SPEN: variants seen among roughly 807,000 people sequenced by gnomAD.
SPEN encodes the protein spen family transcriptional repressor.
SPEN carries 18 observed loss-of-function variants against 269.9 expected under a neutral mutation model. The observed-to-expected ratio is 0.07, with a 90% CI of 0.05 to 0.10. The LOEUF is 0.10. Among genes scored for constraint, SPEN ranks in the 10% least tolerant of loss-of-function variants. SPEN has a pLI of 1.00. For missense variants in SPEN, 3,822 were observed against 4,631.2 expected, an observed-to-expected ratio of 0.83 and a Z score of 5.07; for synonymous variants, 1,726 against 1,765.7, an observed-to-expected ratio of 0.98 and a Z score of 0.56.
chr1:15,918,845 A>AT (rs1427072668), intron 6 of SPEN, 81 bp from the exon 7 acceptor site: 1 of 1,208,834 alleles, frequency 8.3e-7, no homozygotes, highest in Non-Finnish European at 1.2e-6. Context: ...TTTTTGAGAA[A>AT]TAAATACCCT....
At chr1:15,880,084 T>C (rs1048512717) in intron 3 of SPEN, among the ~76,000 whole-genome samples, 1 of 152,194 alleles carries the variant, frequency 6.6e-6, no homozygotes, top group Non-Finnish European at 1.5e-5. Flanking sequence ...TATGTTTTTT[T>C]CCCTCTGATT....
chr1:15,849,092 C>T (rs2070306923), intron 1 of SPEN, among the ~76,000 whole-genome samples: 1 of 152,062 alleles, frequency 6.6e-6, no homozygotes, highest in African/African-American at 2.4e-5. Context: ...TGTGAAATGC[C>T]TGTGTACCGT....
chr1:15,908,348 G>A (rs891354734), intron 3 of SPEN, among the ~76,000 whole-genome samples: 2 of 152,064 alleles, frequency 1.3e-5, no homozygotes, highest in African/African-American at 4.8e-5. Flanking sequence ...ATAGGTGTGA[G>A]CCACCACACC....
chr1:15,893,924 A>G (rs1386226070), intron 3 of SPEN, among the ~76,000 whole-genome samples: 1 of 152,114 alleles, frequency 6.6e-6, no homozygotes, highest in Non-Finnish European at 1.5e-5. Context: ...CTGTAATCCT[A>G]GCTACTTGTG....
chr1:15,933,083 T>C lies in SPEN; in HGVS notation c.6843T>C (p.Ser2281=), dbSNP rs1214814463. 6.2e-7 allele frequency: 1 copy of C among 1,613,976 alleles called. No homozygotes were observed. The highest frequency in any genetic ancestry group is 1.7e-5 in the Admixed American group (1 of 60,002). Residue 2281 remains serine (S), a synonymous_variant, in exon 11 of 15, where the codon TCT becomes TCC. Coordinates refer to ENST00000375759, the MANE Select transcript of SPEN (RefSeq NM_015001.3). This position sits in a 1 kb window ranked among gnomAD's most constrained non-coding sequence, Gnocchi z 5.7. ...TGGAAACTGAGGCTGCTACAGAATC[T>C]TCTAGGCCTCCAGTCAATGCTCCTG... is the stretch of plus-strand genomic sequence containing the variant. ...GILETEAATE[S]SRPPVNAPDP... is the part of the protein sequence containing the mutation.
At position 15,932,925 on chromosome 1, in the gene SPEN, G is replaced by A. The variant is rs1418395336; in HGVS notation, c.6685G>A (p.Glu2229Lys). 1.2e-6 allele frequency: 2 copies of A among 1,614,110 alleles called. No homozygotes were observed. The highest frequency in any genetic ancestry group is 2.7e-5 in the African/African-American group (2 of 74,938). ...CTCCATCATCAATGACATTTCTGGG[G>A]AGCCAGAAAACTTCCCAGCACCTCC... ...IGSIINDISG[E>K]PENFPAPPPY... The change falls in exon 11 of 15, where the codon GAG (glutamate) becomes AAG (lysine). Residue 2229 changes from glutamate (E) to lysine (K), a missense_variant. By Grantham distance (56) the Glu-to-Lys change is moderately conservative. Around this residue, in one of 16 missense-constraint regions of SPEN, gnomAD observed 727 missense variants for 737.9 expected, o/e 0.99. Coordinates refer to ENST00000375759, the MANE Select transcript of SPEN (RefSeq NM_015001.3). This position sits in a 1 kb window ranked among gnomAD's most constrained non-coding sequence, Gnocchi z 4.2.
Position 15,932,210 on chromosome 1 carries a change from A to G in SPEN, c.5970A>G (p.Ala1990=). Residue 1990 remains alanine (A), a synonymous_variant, in exon 11 of 15, where the codon GCA becomes GCG. Transcript: ENST00000375759. This position sits in a 1 kb window ranked among gnomAD's most constrained non-coding sequence, Gnocchi z 4.2. ...GGTCGCCAAGGTCCCAGAAAACTGC[A>G]GCTGGTGGTGGACCCCAAGGGAAAA... ...GWRSPRSQKT[A]AGGGPQGKKG... 6.2e-7 allele frequency: 1 copy of G among 1,612,944 alleles called. No homozygotes were observed. Among genetic ancestry groups the G allele is most frequent in the Non-Finnish European group, 8.5e-7 (1 of 1,179,672 alleles).
At chr1:15,892,853 C>G (rs756715022) in intron 3 of SPEN, among the ~76,000 whole-genome samples, 6 of 152,104 alleles carry the variant, frequency 3.9e-5, no homozygotes, top group Non-Finnish European at 8.8e-5. Context: ...AATCCCAGCA[C>G]TTTAGGAGGC....
At chr1:15,873,863 A>C in intron 2 of SPEN, 1 of 1,081,152 alleles carries the variant, frequency 9.2e-7, no homozygotes, top group South Asian at 2.8e-5. Context: ...TCTTGCTGTC[A>C]AGATTCCACT....
rs375124168 is a variant in SPEN, at chr1:15,931,993, C to T, written c.5753C>T (p.Ser1918Phe). ...YATMGDHENR[S>F]PVKEPVEQPR... ...ACCATGGGTGACCATGAAAACCGCT[C>T]TCCTGTCAAAGAGCCCGTTGAGCAA... is the stretch of plus-strand genomic sequence containing the variant. The change falls in exon 11 of 15, where the codon TCT becomes TTT. Residue 1918 changes from serine to phenylalanine, a missense_variant. By Grantham distance (155) the Ser-to-Phe change is radical. This residue lies in a region of SPEN where 533 missense variants were observed against 618.8 expected (regional missense o/e 0.86). Transcript: ENST00000375759. This position sits in a 1 kb window ranked among gnomAD's most constrained non-coding sequence, Gnocchi z 4.8. 9 of 1,614,102 alleles carry T rather than the reference C, an allele frequency of 5.6e-6. No individual in the cohort carries two copies. The highest frequency in any genetic ancestry group is 1.6e-4 in the Middle Eastern group (1 of 6,084).
Position 15,920,795 on chromosome 1 carries a change from T to C in SPEN, c.1636-75T>C, listed in dbSNP as rs1002000113. 9 of 686,470 alleles carry C rather than the reference T, an allele frequency of 1.3e-5. No homozygotes were observed. The African/African-American group carries it at 1.7e-4, about 13-fold the overall frequency. 42.5% of individuals were successfully genotyped at this position (686,470 alleles called of 1,614,324 possible). A position where few individuals can be genotyped will look rare whatever the true frequency, so the allele number is the denominator to read the frequency against. On this transcript the variant is annotated intron_variant, in intron 8 of 14. Transcript: ENST00000375759. ...TTTTTCTCATCCGTGTCCTTGTGGC[T>C]TAGGATTTTGTTGGGACTGACACTA...
intron 3 of SPEN, among the ~76,000 whole-genome samples, chr1:15,889,332 ATTTTAGTAT>A (rs988240587): frequency 6.6e-6 from 1 of 151,722 alleles, no homozygotes; most frequent in African/African-American, 2.4e-5. Context: ...CGCCCAACTA[ATTTTAGTAT>A]TTTTAGTAGA....
chr1:15,916,287 G>A lies in SPEN; in HGVS notation c.1395+8G>A. 1 of 1,607,890 alleles carries A rather than the reference G, an allele frequency of 6.2e-7. No homozygotes were observed. The highest frequency in any genetic ancestry group is 1.1e-5 in the South Asian group (1 of 89,672). The stretch of plus-strand genomic sequence containing the variant: ...CGCTTTGGAGAAATTGTGGTATGTT[G>A]CTTTTACTATGTAAACAATTTTAGG... On this transcript the variant is annotated splice_region_variant and intron_variant, in intron 6 of 14. Coordinates refer to ENST00000375759, the MANE Select transcript of SPEN (RefSeq NM_015001.3).
chr1:15,847,759 C>G lies in SPEN; in HGVS notation c.-309C>G, dbSNP rs981014029. 1 of 198,476 alleles carries G rather than the reference C, an allele frequency of 5.0e-6. No individual in the cohort carries two copies. Among genetic ancestry groups the G allele is most frequent in the Non-Finnish European group, 1.0e-5 (1 of 97,014 alleles). 12.3% of individuals were successfully genotyped at this position (198,476 alleles called of 1,614,324 possible). ...CCAGCTCCGTCGTAGTCGCTGCCGCCCGTGTCCCGCTCGCCCCTCCTCCCG... is the reference window on the plus strand; with the variant it reads ...CCAGCTCCGTCGTAGTCGCTGCCGCGCGTGTCCCGCTCGCCCCTCCTCCCG... On this transcript the variant is annotated 5_prime_UTR_variant, in exon 1 of 15. Transcript: ENST00000375759.
rs767026114 is a variant in SPEN at position 15,930,973 on chromosome 1, A to T, written c.4733A>T (p.Glu1578Val). The T allele has an allele frequency of 1.2e-6, 2 of 1,614,060 alleles. No individual in the cohort carries two copies. Among genetic ancestry groups the T allele is most frequent in the Non-Finnish European group, 1.7e-6 (2 of 1,180,048 alleles). ...GANSTTDSIQ[E>V]PVVLFHSRFM... The stretch of plus-strand genomic sequence containing the variant: ...AACAGCACAACTGATTCCATTCAAG[A>T]ACCAGTAGTTCTGTTCCATAGCAGA... The change falls in exon 11 of 15, where the codon GAA becomes GTA. Residue 1578 changes from glutamate (E) to valine (V), a missense_variant. Physicochemically the swap from Glu to Val is moderately radical, Grantham distance 121. Around this residue, in one of 16 missense-constraint regions of SPEN, gnomAD observed 533 missense variants for 618.8 expected, o/e 0.86. Transcript: ENST00000375759. The surrounding 1 kb of genome is among the most constrained non-coding windows in gnomAD (Gnocchi z 5.3).
intron 5 of SPEN, among the ~76,000 whole-genome samples, 188 bp downstream of exon 5, chr1:15,911,489 T>C (rs1375523098): frequency 1.3e-5 from 2 of 152,196 alleles, no homozygotes; most frequent in African/African-American, 4.8e-5. Context: ...AACATTGTTT[T>C]GGTTAGGGAG....
intron 1 of SPEN, among the ~76,000 whole-genome samples, chr1:15,864,547 A>G (rs375498473): frequency 7.5e-6 from 1 of 133,560 alleles, no homozygotes; most frequent in Non-Finnish European, 1.5e-5. Flanking sequence ...AAGTGCAGTT[A>G]TACATGTATG....
chr1:15,872,744 C>A, intron 1 of SPEN, 72 bp from the exon 2 acceptor site: 4 of 1,325,084 alleles, frequency 3.0e-6, no homozygotes, highest in Non-Finnish European at 3.0e-6. Context: ...GCAAATTGTC[C>A]AAAAAAAATC....
chr1:15,869,981 G>A (rs1369308872), intron 1 of SPEN, among the ~76,000 whole-genome samples: 2 of 151,812 alleles, frequency 1.3e-5, no homozygotes. Context: ...CGATTCTCCC[G>A]CTTTAGCCTC....
Sources: gnomAD v4.1 joint callset for allele counts (sites outside exome capture counted in the v4.1 genomes callset) on GRCh38, gnomAD v4.1.1 for gene constraint, gnomAD v4.1.1 regional missense constraint, Gnocchi (gnomAD v3.1) non-coding constraint, MANE v1.5 for transcripts, NCBI Gene and HGNC (gene_info 2026-07-23, HGNC 2026-07-21) for gene names.